The following RIC8B variants were observed in gnomAD, a reference collection of about 807,000 sequenced individuals.
RIC8B encodes the protein RIC8 guanine nucleotide exchange factor B.
A neutral mutation model predicts 57.5 loss-of-function variants in RIC8B; 16 were observed. That is an observed-to-expected ratio of 0.28 (90% CI 0.19 to 0.42). RIC8B has a LOEUF of 0.42. RIC8B is among the 10% of genes least tolerant of loss of function. RIC8B has a pLI of 1.00. For synonymous variants in RIC8B, 216 were observed against 250.8 expected (o/e 0.86, Z 1.31); for missense variants, 481 against 677.0 (o/e 0.71, Z 3.21).
chr12:106,786,567 A>G (rs1344319166), intron 2 of RIC8B, among the ~76,000 whole-genome samples: 1 of 152,216 alleles, frequency 6.6e-6, no homozygotes, highest in African/African-American at 2.4e-5. Context: ...AATTACAGAT[A>G]CGTTTTACTC....
chr12:106,851,066 T>C (rs369404129), intron 6 of RIC8B, among the ~76,000 whole-genome samples: 51 of 152,190 alleles, frequency 3.4e-4, no homozygotes, highest in African/African-American at 1.2e-3. Flanking sequence ...AAGGTAAAAA[T>C]CAGTATGACT....
intron 9 of RIC8B, chr12:106,871,491 A>AAAAAC (rs1950415775): frequency 7.0e-6 from 1 of 143,200 alleles, no homozygotes; most frequent in Non-Finnish European, 1.5e-5. Flanking sequence ...AAAAAAAAAA[A>AAAAAC]AAAAAAACCA....
rs1651115586 is a variant in RIC8B at position 106,774,795 on chromosome 12, C to T, written c.50C>T (p.Ala17Val). The T allele has an allele frequency of 1.3e-6, 2 of 1,554,246 alleles. No individual in the cohort carries two copies. The highest frequency in any genetic ancestry group is 1.7e-6 in the Non-Finnish European group (2 of 1,148,346). The change falls in exon 1 of 10, where the codon GCT becomes GTT. Residue 17 changes from alanine (A) to valine (V), a missense_variant. By Grantham distance (64) the Ala-to-Val change is moderately conservative (BLOSUM62 0). This residue lies in a region of RIC8B where 421 missense variants were observed against 560.9 expected (regional missense o/e 0.75). Transcript: ENST00000392837. The part of the protein sequence containing the change: ...LYIVRAGEAG[A>V]IERVLRDYSD... Reference sequence around the variant, plus strand: ...ATCGTCCGGGCCGGCGAAGCAGGGGCTATCGAGCGGGTCCTGAGGGATTAC... The same window carrying T: ...ATCGTCCGGGCCGGCGAAGCAGGGGTTATCGAGCGGGTCCTGAGGGATTAC...
chr12:106,870,772 G>C (rs1950368647), intron 8 of RIC8B, 51 bp from the exon 9 acceptor site: 1 of 1,386,872 alleles, frequency 7.2e-7, no homozygotes, highest in African/African-American at 1.5e-5. Flanking sequence ...GAAAAGTATA[G>C]AAAGAGCATA....
chr12:106,880,514 C>T (rs1463921879), intron 9 of RIC8B, among the ~76,000 whole-genome samples: 2 of 152,098 alleles, frequency 1.3e-5, no homozygotes, highest in Non-Finnish European at 2.9e-5. Context: ...GTTAGTGGAA[C>T]ATCTGAGACT....
chr12:106,820,904 A>C (rs1045962228), intron 3 of RIC8B, among the ~76,000 whole-genome samples: 4 of 152,160 alleles, frequency 2.6e-5, no homozygotes, highest in African/African-American at 9.7e-5. Flanking sequence ...TTCGATTTTC[A>C]CTATCACAAC....
chr12:106,879,274 T>C lies in RIC8B; in HGVS notation c.1572-6630T>C. Reference sequence around the variant, plus strand: ...CAAAAACATGTGCTGTGGGCAAGAGTATTCTCTTGCTTTCAGGTCAAGTAA... The same window carrying C: ...CAAAAACATGTGCTGTGGGCAAGAGCATTCTCTTGCTTTCAGGTCAAGTAA... On this transcript the variant is annotated intron_variant, in intron 9 of 9. Coordinates refer to ENST00000392837, the MANE Select transcript of RIC8B (RefSeq NM_001330145.2). This position sits in a 1 kb window ranked among gnomAD's most constrained non-coding sequence, Gnocchi z 4.9. The C allele has an allele frequency of 1.0e-6, 1 of 985,150 alleles. No individual in the cohort carries two copies. The highest frequency in any genetic ancestry group is 1.2e-6 in the Non-Finnish European group (1 of 829,496). The allele number at this position is 985,150 out of a possible 1,614,324, so 61.0% of individuals were successfully genotyped here.
At chr12:106,868,436 A>G (rs1950230856) in intron 8 of RIC8B, 6 of 420,454 alleles carry the variant, frequency 1.4e-5, no homozygotes, top group South Asian at 1.0e-4. Context: ...ATGTATCTAT[A>G]ATAAGCACCT....
At chr12:106,851,147 G>A (rs1698006916) in intron 6 of RIC8B, among the ~76,000 whole-genome samples, 1 of 152,204 alleles carries the variant, frequency 6.6e-6, no homozygotes, top group Non-Finnish European at 1.5e-5. Flanking sequence ...TTTTCATAGA[G>A]GCAAGTTGAG....
chr12:106,847,519 T>C (rs947672311), intron 6 of RIC8B, among the ~76,000 whole-genome samples: 1 of 152,198 alleles, frequency 6.6e-6, no homozygotes, highest in Admixed American at 6.5e-5. Context: ...GTGCCTAGCA[T>C]TTTGTTCTAC....
chr12:106,854,746 G>A (rs1458825362), intron 7 of RIC8B, among the ~76,000 whole-genome samples: 2 of 151,990 alleles, frequency 1.3e-5, no homozygotes, highest in African/African-American at 4.8e-5. Context: ...CTGAGATCAC[G>A]CCACTGCACT....
Position 106,874,380 on chromosome 12 carries a change from T to G in RIC8B, c.1571+3438T>G, listed in dbSNP as rs1950578602. 2 of 890,540 alleles carry G rather than the reference T, an allele frequency of 2.2e-6. 1 individual carries two copies. The highest frequency in any genetic ancestry group is 2.9e-5 in the South Asian group (2 of 68,826). The allele number at this position is 890,540 out of a possible 1,614,324, so 55.2% of individuals were successfully genotyped here. On this transcript the variant is annotated intron_variant, in intron 9 of 9. Transcript: ENST00000392837. ...TTTCCTTCTCAAAAATGAAATGGTT[T>G]TCTCCTGCACCTGAATTGAAAGGCA...
chr12:106,848,911 A>C (rs1230549264), intron 6 of RIC8B, among the ~76,000 whole-genome samples: 1 of 152,212 alleles, frequency 6.6e-6, no homozygotes, highest in African/African-American at 2.4e-5. Flanking sequence ...TATTAAGTTC[A>C]AGAGATCTGC....
chr12:106,879,503 G>A lies in RIC8B; in HGVS notation c.1572-6401G>A, dbSNP rs1313662662. On this transcript the variant is annotated intron_variant, in intron 9 of 9. Coordinates refer to ENST00000392837, the MANE Select transcript of RIC8B (RefSeq NM_001330145.2). This position sits in a 1 kb window ranked among gnomAD's most constrained non-coding sequence, Gnocchi z 4.9. The stretch of plus-strand genomic sequence containing the variant: ...GAGTATACCATACTTACAGGCAAAC[G>A]GTGGCTCAGGAAAATGTTAAAATAT... 3 of 985,092 alleles carry A rather than the reference G, an allele frequency of 3.0e-6. No individual in the cohort carries two copies. Among genetic ancestry groups the A allele is most frequent in the South Asian group, 9.4e-5 (2 of 21,252 alleles). The allele number at this position is 985,092 out of a possible 1,614,324, so 61.0% of individuals were successfully genotyped here.
chr12:106,834,479 G>A (rs1174348691), intron 4 of RIC8B, among the ~76,000 whole-genome samples: 3 of 152,104 alleles, frequency 2.0e-5, no homozygotes, highest in Non-Finnish European at 2.9e-5. Flanking sequence ...CAGGAAGGAA[G>A]GACATCACTG....
Position 106,862,479 on chromosome 12 carries a change from C to T in RIC8B, c.1451+2067C>T, listed in dbSNP as rs568862921. Among the ~76,000 whole-genome samples, 7 of 152,018 alleles carry T rather than the reference C, an allele frequency of 4.6e-5. No homozygotes were observed. In the South Asian group the frequency reaches 1.2e-3, roughly 27 times the overall value. ...GGAGTACCCTTTGTACTCTGTGGAG[C>T]GATCCATAGAGCTCAAAGAACTTGT... On this transcript the variant is annotated intron_variant, in intron 8 of 9. Coordinates refer to ENST00000392837, the MANE Select transcript of RIC8B (RefSeq NM_001330145.2).
intron 2 of RIC8B, among the ~76,000 whole-genome samples, chr12:106,802,740 C>G (rs1270947297): frequency 6.6e-6 from 1 of 151,858 alleles, no homozygotes; most frequent in Non-Finnish European, 1.5e-5. Context: ...AGGACTGAGT[C>G]AAATAAGAAT....
intron 4 of RIC8B, among the ~76,000 whole-genome samples, chr12:106,841,477 C>T (rs1359570651): frequency 1.3e-5 from 2 of 152,004 alleles, no homozygotes; most frequent in East Asian, 3.8e-4. Context: ...GTTTGTTTTG[C>T]TTTATTTTTT....
chr12:106,785,689 C>T (rs1310099839), intron 2 of RIC8B, among the ~76,000 whole-genome samples: 1 of 152,040 alleles, frequency 6.6e-6, no homozygotes. Context: ...GGGATATGCT[C>T]TTTGGAGAGC....
Sources: gnomAD v4.1 joint callset for allele counts (sites outside exome capture counted in the v4.1 genomes callset) on GRCh38, gnomAD v4.1.1 for gene constraint, gnomAD v4.1.1 regional missense constraint, Gnocchi (gnomAD v3.1) non-coding constraint, MANE v1.5 for transcripts, NCBI Gene and HGNC (gene_info 2026-07-23, HGNC 2026-07-21) for gene names.